The following ZNF343 variants were observed in gnomAD, a reference collection of about 807,000 sequenced individuals.
The protein encoded by ZNF343 is zinc finger protein 343.
Under a neutral mutation model 13.8 loss-of-function variants are expected in ZNF343, and 11 were observed. The ratio of observed to expected loss-of-function variants is 0.80; its 90% CI spans 0.50 to 1.32. ZNF343 has a LOEUF of 1.32. Among genes scored for constraint, ZNF343 ranks in the 40% most tolerant of loss-of-function variants. The pLI is 0.00. For synonymous variants in ZNF343, 248 were observed against 260.0 expected (o/e 0.95, Z 0.44); for missense variants, 658 against 714.2 (o/e 0.92, Z 0.90).
Position 2,483,374 on chromosome 20 carries a change from G to T in ZNF343, c.1587C>A (p.Gly529=), listed in dbSNP as rs1322889306. The T allele has an allele frequency of 3.7e-6, 6 of 1,612,854 alleles. No individual in the cohort carries two copies. In the East Asian group the frequency reaches 1.3e-4, roughly 36 times the overall value. Reference sequence around the variant, plus strand: ...CAATGAGGGTTGACTTGTCACAAAAGCCTCGCCCACATTCCCTGCAAATAT... The same window carrying T: ...CAATGAGGGTTGACTTGTCACAAAATCCTCGCCCACATTCCCTGCAAATAT... ...KPYICRECGR[G]FCDKSTLIVH... The change falls in exon 6 of 6, where the codon GGC becomes GGA. Residue 529 remains glycine (G), a synonymous_variant. Coordinates refer to ENST00000278772, the MANE Select transcript of ZNF343 (RefSeq NM_024325.6).
intron 1 of ZNF343, among the ~76,000 whole-genome samples, chr20:2,507,107 A>G (rs1367089572): frequency 6.6e-6 from 1 of 152,036 alleles, no homozygotes. Flanking sequence ...TCTACTAAAA[A>G]TACAAAATTA....
intron 5 of ZNF343, among the ~76,000 whole-genome samples, chr20:2,485,404 C>T (rs944674352): frequency 6.6e-6 from 1 of 152,232 alleles, no homozygotes; most frequent in South Asian, 2.1e-4. Flanking sequence ...TTCATCACAA[C>T]ATGATCTATC....
intron 1 of ZNF343, among the ~76,000 whole-genome samples, chr20:2,506,211 C>T (rs1372014288): frequency 2.0e-5 from 3 of 152,162 alleles, no homozygotes; most frequent in Admixed American, 1.3e-4. Context: ...TCATCACTGG[C>T]CATCAGAGAA....
upstream of ZNF343, among the ~76,000 whole-genome samples, chr20:2,510,457 A>G (rs2085731932): frequency 6.6e-6 from 1 of 152,178 alleles, no homozygotes; most frequent in African/African-American, 2.4e-5. Flanking sequence ...TATTTTCTCC[A>G]ACACCTCCTT....
intron 1 of ZNF343, among the ~76,000 whole-genome samples, chr20:2,515,425 C>T (rs1269426852): frequency 1.3e-5 from 2 of 152,178 alleles, no homozygotes; most frequent in African/African-American, 4.8e-5. Flanking sequence ...TACAATGACT[C>T]AGCAGGATTT....
intron 1 of ZNF343, among the ~76,000 whole-genome samples, chr20:2,514,142 G>A (rs564304499): frequency 5.9e-5 from 9 of 152,258 alleles, no homozygotes; most frequent in South Asian, 2.1e-4. Context: ...AAATGAAAAC[G>A]TTCTGGAATT....
chr20:2,489,404 T>A (rs2085331391), intron 5 of ZNF343, among the ~76,000 whole-genome samples: 1 of 152,040 alleles, frequency 6.6e-6, no homozygotes. Flanking sequence ...CTGCTGTTCC[T>A]CCCCACTGAG....
At chr20:2,498,855 A>T (rs2122657327) in intron 2 of ZNF343, among the ~76,000 whole-genome samples, 1 of 152,250 alleles carries the variant, frequency 6.6e-6, no homozygotes, top group South Asian at 2.1e-4. Context: ...CTTTGAATCT[A>T]GGCAATCTGT....
intron 5 of ZNF343, among the ~76,000 whole-genome samples, chr20:2,486,312 C>A (rs1183303582): frequency 6.6e-6 from 1 of 152,202 alleles, no homozygotes; most frequent in African/African-American, 2.4e-5. Context: ...AGGAAAGTAT[C>A]ATCATTTCAC....
chr20:2,486,512 A>T (rs1450660541), intron 5 of ZNF343: 3 of 152,354 alleles, frequency 2.0e-5, no homozygotes, highest in Non-Finnish European at 1.5e-5. Flanking sequence ...GCAGTGGCTC[A>T]TGCCAGTACT....
rs762772303 is a variant in ZNF343 at position 2,493,614 on chromosome 20, C to T, written c.119-37G>A. On this transcript the variant is annotated intron_variant, in intron 3 of 5. Transcript: ENST00000278772. ...AAAAGAAGCTATGAGAAACCAGACC[C>T]CCCCACCCCCCACCCCCCACCATGA... is the stretch of plus-strand genomic sequence containing the variant. 42 of 1,260,778 alleles carry T rather than the reference C, an allele frequency of 3.3e-5. No individual in the cohort carries two copies. In the Admixed American group the frequency reaches 6.4e-4, roughly 19 times the overall value. The allele number at this position is 1,260,778 out of a possible 1,614,324, so 78.1% of individuals were successfully genotyped here.
At chr20:2,521,257 A>G (rs1213396017) in intron 1 of ZNF343, among the ~76,000 whole-genome samples, 1 of 152,144 alleles carries the variant, frequency 6.6e-6, no homozygotes, top group African/African-American at 2.4e-5. Context: ...TTATGGTACA[A>G]GCATTGGGAA....
At position 2,482,997 on chromosome 20, in the gene ZNF343, G is replaced by A; in HGVS notation, c.*164C>T. On this transcript the variant is annotated 3_prime_UTR_variant, in exon 6 of 6. Coordinates refer to ENST00000278772, the MANE Select transcript of ZNF343 (RefSeq NM_024325.6). The stretch of plus-strand genomic sequence containing the variant: ...TCTATACTCATAAGGCTCCTCTCCT[G>A]AACGTGTCCCTCCCATGCCTGATAA... The A allele has an allele frequency of 1.2e-6, 1 of 819,396 alleles. No individual in the cohort carries two copies. The highest frequency in any genetic ancestry group is 2.9e-5 in the Admixed American group (1 of 34,236). The allele number at this position is 819,396 out of a possible 1,614,324, so 50.8% of individuals were successfully genotyped here. A position where few individuals can be genotyped will look rare whatever the true frequency, so the allele number is the denominator to read the frequency against.
intron 1 of ZNF343, among the ~76,000 whole-genome samples, chr20:2,502,169 C>T (rs1600068989): frequency 6.6e-6 from 1 of 152,124 alleles, no homozygotes; most frequent in African/African-American, 2.4e-5. Context: ...GACGAATGCA[C>T]AAGCCTCAGT....
upstream of ZNF343, among the ~76,000 whole-genome samples, chr20:2,511,893 A>G (rs2085740707): frequency 6.6e-6 from 1 of 152,194 alleles, no homozygotes; most frequent in Non-Finnish European, 1.5e-5. Flanking sequence ...CTTCTATTCA[A>G]CATTGTACTG....
chr20:2,484,992 G>A (rs1419221317), intron 5 of ZNF343, among the ~76,000 whole-genome samples: 2 of 152,064 alleles, frequency 1.3e-5, no homozygotes, highest in Non-Finnish European at 2.9e-5. Context: ...GGAGATAGTG[G>A]TCTCTATGAC....
rs2085707574 is a variant in ZNF343, at chr20:2,508,637, C to G, written c.-237+244G>C. Reference sequence around the variant, plus strand: ...ACAGGCATTAGAGTTCTAGGTCACTCTCGTCCCCCCGGGGGGAAAAAAGGT... The same window carrying G: ...ACAGGCATTAGAGTTCTAGGTCACTGTCGTCCCCCCGGGGGGAAAAAAGGT... On this transcript the variant is annotated intron_variant, in intron 1 of 5. Transcript: ENST00000278772. The surrounding 1 kb of genome is among the most constrained non-coding windows in gnomAD (Gnocchi z 4.5). Among the ~76,000 whole-genome samples, 1 of 152,190 alleles carries G rather than the reference C, an allele frequency of 6.6e-6. No homozygotes were observed. The highest frequency in any genetic ancestry group is 6.5e-5 in the Admixed American group (1 of 15,290).
intron 1 of ZNF343, among the ~76,000 whole-genome samples, chr20:2,522,194 TGC>T: frequency 1.3e-5 from 2 of 152,234 alleles, no homozygotes; most frequent in Non-Finnish European, 2.9e-5. Context: ...TCACCTAAAA[TGC>T]TTAGTACTGA....
At position 2,483,167 on chromosome 20, in the gene ZNF343, T is replaced by C. The variant is rs139105685; in HGVS notation, c.1794A>G (p.Thr598=). The part of the protein sequence containing the change: ...HKSNLIRHQR[T]H ...CATACACAGGTTTCTCCCGTCAGTG[T>C]GTCCTCTGGTGTCTGATGAGATTTG... is the stretch of plus-strand genomic sequence containing the variant. Residue 598 remains threonine, a synonymous_variant, in exon 6 of 6, where the codon ACA becomes ACG. Coordinates refer to ENST00000278772, the MANE Select transcript of ZNF343 (RefSeq NM_024325.6). 1.9e-4 allele frequency: 297 copies of C among 1,604,778 alleles called. No homozygotes were observed. The highest frequency in any genetic ancestry group is 1.5e-3 in the African/African-American group (114 of 74,772).
Sources: gnomAD v4.1 joint callset for allele counts (sites outside exome capture counted in the v4.1 genomes callset) on GRCh38, gnomAD v4.1.1 for gene constraint, Gnocchi (gnomAD v3.1) non-coding constraint, MANE v1.5 for transcripts, NCBI Gene and HGNC (gene_info 2026-07-23, HGNC 2026-07-21) for gene names.